GALNT14: variants seen among roughly 807,000 people sequenced by gnomAD.
GALNT14 encodes the protein UDP-GalNAc:polypeptide N-acetylgalactosaminyltransferase 14.
In GALNT14, 60 loss-of-function variants were observed where a neutral mutation model predicts 77.5. The observed-to-expected ratio is 0.77, with a 90% CI of 0.63 to 0.96. The LOEUF is 0.96. Among genes scored for constraint, GALNT14 ranks in the 40% least tolerant of loss-of-function variants. The pLI is 0.00. For missense variants in GALNT14, 710 were observed against 731.0 expected, an observed-to-expected ratio of 0.97 and a Z score of 0.33; for synonymous variants, 280 against 281.7, an observed-to-expected ratio of 0.99 and a Z score of 0.06.
chr2:30,888,919 C>T, the GALNT14 span, among the ~76,000 whole-genome samples: 5 of 151,936 alleles, frequency 3.3e-5, no homozygotes, highest in African/African-American at 9.7e-5. Flanking sequence ...CCCCCTCCAC[C>T]CCCACCTCCC....
chr2:31,072,593 G>GT (rs1675486494), intron 1 of GALNT14, among the ~76,000 whole-genome samples: 1 of 152,016 alleles, frequency 6.6e-6, no homozygotes, highest in African/African-American at 2.4e-5. Context: ...ACTCCTGCAG[G>GT]TGAAGGAGAC....
chr2:31,138,011 C>T lies in GALNT14; in HGVS notation c.76G>A (p.Val26Ile). The T allele has an allele frequency of 6.2e-7, 1 of 1,613,846 alleles. No homozygotes were observed. Among genetic ancestry groups the T allele is most frequent in the Non-Finnish European group, 8.5e-7 (1 of 1,179,806 alleles). ...GGCACCTCCAACTTCCTCTTGGTTACCCAGAAGAACAGCAGCACCGTGATC... is the reference window on the plus strand; with the variant it reads ...GGCACCTCCAACTTCCTCTTGGTTATCCAGAAGAACAGCAGCACCGTGATC... ...LWITVLLFFW[V>I]TKRKLEVPTG... The change falls in exon 1 of 15, where the codon GTA (valine) becomes ATA (isoleucine). Residue 26 changes from valine to isoleucine, a missense_variant. Val to Ile is a conservative substitution (Grantham distance 29). Coordinates refer to ENST00000349752, the MANE Select transcript of GALNT14 (RefSeq NM_024572.4).
chr2:30,970,892 CCACAGA>C (rs1668309912), intron 2 of GALNT14, among the ~76,000 whole-genome samples: 1 of 152,200 alleles, frequency 6.6e-6, no homozygotes, highest in Non-Finnish European at 1.5e-5. Flanking sequence ...CGCCCCCACT[CCACAGA>C]TGAGCTGAAC....
intron 1 of GALNT14, among the ~76,000 whole-genome samples, chr2:31,131,921 C>T (rs1679014033): frequency 6.6e-6 from 1 of 152,200 alleles, no homozygotes; most frequent in Non-Finnish European, 1.5e-5. Flanking sequence ...TGCTTTGCCC[C>T]TCTGTCTTCT....
intron 1 of GALNT14, among the ~76,000 whole-genome samples, chr2:31,091,564 C>T (rs995889336): frequency 2.6e-5 from 4 of 152,162 alleles, no homozygotes; most frequent in Admixed American, 1.3e-4. Flanking sequence ...TTTAGTCCAT[C>T]CAGGCTGCTA....
At chr2:31,078,617 G>A (rs1675958920) in intron 1 of GALNT14, among the ~76,000 whole-genome samples, 1 of 152,176 alleles carries the variant, frequency 6.6e-6, no homozygotes, top group Non-Finnish European at 1.5e-5. Context: ...ACCTTGTGCT[G>A]TGCCTGGCTG....
chr2:31,042,518 C>T (rs1315486201), intron 1 of GALNT14, among the ~76,000 whole-genome samples: 2 of 152,162 alleles, frequency 1.3e-5, no homozygotes, highest in South Asian at 2.1e-4. Context: ...CTCCCAGCTC[C>T]TCTTTCATCC....
rs537164549 is a variant in GALNT14 at position 31,129,555 on chromosome 2, C to T, written c.129+8403G>A. ...GGTGCCTTAATTAATCCACAGACCA[C>T]GTGGCCTGATCTCCCTGAGATCCTA... On this transcript the variant is annotated intron_variant, in intron 1 of 14. Transcript: ENST00000349752. 3.2e-5 allele frequency: 32 copies of T among 985,368 alleles called. No individual in the cohort carries two copies. In the Admixed American group the frequency reaches 4.3e-4, roughly 13 times the overall value. 61.0% of individuals were successfully genotyped at this position (985,368 alleles called of 1,614,324 possible). A position where few individuals can be genotyped will look rare whatever the true frequency, so the allele number is the denominator to read the frequency against.
At chr2:30,954,522 T>C (rs961740849) in intron 6 of GALNT14, among the ~76,000 whole-genome samples, 1 of 152,158 alleles carries the variant, frequency 6.6e-6, no homozygotes, top group Admixed American at 6.5e-5. Context: ...CATCCCAATC[T>C]CAGAGAAAAT....
intron 1 of GALNT14, among the ~76,000 whole-genome samples, chr2:31,059,552 C>T (rs1173299069): frequency 6.6e-6 from 1 of 152,004 alleles, no homozygotes; most frequent in Non-Finnish European, 1.5e-5. Flanking sequence ...TAAGAGAGGC[C>T]CAAGAGAGCT....
intron 1 of GALNT14, among the ~76,000 whole-genome samples, chr2:31,088,525 G>A (rs1291000837): frequency 6.6e-6 from 1 of 152,188 alleles, no homozygotes; most frequent in African/African-American, 2.4e-5. Context: ...AATGAGCGAT[G>A]TGTGGCACAG....
At chr2:30,971,256 G>A (rs896508114) in intron 2 of GALNT14, among the ~76,000 whole-genome samples, 2 of 152,172 alleles carry the variant, frequency 1.3e-5, no homozygotes, top group South Asian at 2.1e-4. Flanking sequence ...GGAAAACCCT[G>A]CCAACACTGA....
chr2:30,890,019 G>A, the GALNT14 span, among the ~76,000 whole-genome samples: 17 of 152,120 alleles, frequency 1.1e-4, no homozygotes, highest in Non-Finnish European at 2.9e-5. Flanking sequence ...ATGAAAAAGA[G>A]GGGTGTAGAA....
chr2:30,947,574 C>T (rs1031392730), intron 6 of GALNT14, among the ~76,000 whole-genome samples: 6 of 152,096 alleles, frequency 3.9e-5, no homozygotes, highest in Non-Finnish European at 5.9e-5. Context: ...CTGTGAACAC[C>T]GAAACTTTTG....
intron 1 of GALNT14, among the ~76,000 whole-genome samples, chr2:31,061,060 C>A (rs998557375): frequency 6.6e-6 from 1 of 152,080 alleles, no homozygotes; most frequent in African/African-American, 2.4e-5. Flanking sequence ...TCAAGTGATC[C>A]CTGGATCATC....
chr2:30,942,419 A>C, intron 8 of GALNT14, 115 bp from the exon 9 acceptor site: 2 of 706,260 alleles, frequency 2.8e-6, no homozygotes, highest in Non-Finnish European at 4.8e-6. Context: ...AGAAAACCCC[A>C]TTGAGGGAAG....
intron 1 of GALNT14, among the ~76,000 whole-genome samples, chr2:31,011,081 TA>T (rs1251959302): frequency 1.3e-5 from 2 of 152,048 alleles, no homozygotes; most frequent in Non-Finnish European, 2.9e-5. Context: ...AGGGAAGGGA[TA>T]GGGAGGGTGG....
intron 1 of GALNT14, among the ~76,000 whole-genome samples, chr2:31,039,439 A>G (rs1001211145): frequency 2.0e-5 from 3 of 152,234 alleles, no homozygotes; most frequent in Non-Finnish European, 4.4e-5. Flanking sequence ...TGACTTGTCC[A>G]AGTTCTCACA....
intron 1 of GALNT14, among the ~76,000 whole-genome samples, chr2:31,100,500 A>C (rs559219084): frequency 6.6e-6 from 1 of 152,058 alleles, no homozygotes; most frequent in Non-Finnish European, 1.5e-5. Context: ...CAATCACAGC[A>C]TCTTCATACA....
Sources: gnomAD v4.1 joint callset for allele counts (sites outside exome capture counted in the v4.1 genomes callset) on GRCh38, gnomAD v4.1.1 for gene constraint, MANE v1.5 for transcripts, NCBI Gene and HGNC (gene_info 2026-07-23, HGNC 2026-07-21) for gene names.